Variants in NBAS observed in about 807,000 individuals in gnomAD.
NBAS encodes NAG/BC035112 fusion.
A neutral mutation model predicts 302.5 loss-of-function variants in NBAS; 219 were observed. The ratio of observed to expected loss-of-function variants is 0.72; its 90% confidence interval spans 0.65 to 0.81. The LOEUF (loss-of-function observed/expected upper bound fraction) is 0.81, where lower values mean the gene tolerates loss of function less well. Ranked by LOEUF, NBAS falls within the 30% of genes least tolerant of loss-of-function variation. NBAS has a pLI of 0.00. For missense variants in NBAS, 2,932 were observed against 2,841.6 expected (o/e 1.03, Z -0.72); for synonymous variants, 1,118 against 1,021.6 (o/e 1.09, Z -1.80).
chr2:15,509,621 G>A (rs994576581), intron 10 of NBAS, among the ~76,000 whole-genome samples: 4 of 152,096 alleles, frequency 2.6e-5, no homozygotes, highest in African/African-American at 4.8e-5. Context: ...CTTTTCAAAA[G>A]TACATCTTCA....
At chr2:15,244,085 C>T (rs1419432631) in intron 44 of NBAS, among the ~76,000 whole-genome samples, 3 of 152,156 alleles carry the variant, frequency 2.0e-5, no homozygotes, top group South Asian at 2.1e-4. Context: ...AGAGAGAGAA[C>T]GTACAGGGGT....
chr2:15,366,968 T>A (rs1674240308), intron 31 of NBAS, among the ~76,000 whole-genome samples: 1 of 152,182 alleles, frequency 6.6e-6, no homozygotes, highest in Non-Finnish European at 1.5e-5. Flanking sequence ...TGTTTCACTG[T>A]TTTATGTACC....
At chr2:14,919,620 C>T in the NBAS span, among the ~76,000 whole-genome samples, 1 of 152,190 alleles carries the variant, frequency 6.6e-6, no homozygotes, top group Non-Finnish European at 1.5e-5. Flanking sequence ...TCAAAGCCTA[C>T]CACTGCTTTA....
Position 15,354,196 on chromosome 2 carries a change from G to A in NBAS, c.3932-486C>T, listed in dbSNP as rs72776671. Among the ~76,000 whole-genome samples the A allele has an allele frequency of 4.1e-3, 618 of 152,266 alleles. 4 individuals are homozygous for A. Among genetic ancestry groups the A allele is most frequent in the South Asian group, 8.1e-3 (39 of 4,826 alleles). On this transcript the variant is annotated intron_variant, in intron 33 of 51. Coordinates refer to ENST00000281513, the MANE Select transcript of NBAS (RefSeq NM_015909.4). Reference sequence around the variant, plus strand: ...TTGTATTTAAAAGCACATGTAAACTGCAAAGTGCTAGAAAAAGAGATATTA... The same window carrying A: ...TTGTATTTAAAAGCACATGTAAACTACAAAGTGCTAGAAAAAGAGATATTA...
chr2:15,453,219 G>A (rs1447890075), intron 21 of NBAS, among the ~76,000 whole-genome samples: 1 of 152,176 alleles, frequency 6.6e-6, no homozygotes, highest in African/African-American at 2.4e-5. Context: ...CAAGGCCCAA[G>A]GAAAGCAGGA....
chr2:15,010,052 G>T, the NBAS span, among the ~76,000 whole-genome samples: 1 of 152,152 alleles, frequency 6.6e-6, no homozygotes, highest in Non-Finnish European at 1.5e-5. Context: ...GAGATGAAAA[G>T]ATGTTTTTAG....
chr2:14,800,329 T>G, the NBAS span, among the ~76,000 whole-genome samples: 2 of 152,234 alleles, frequency 1.3e-5, no homozygotes, highest in African/African-American at 4.8e-5. Context: ...TCTGATGGCT[T>G]TATAAGGTGA....
At chr2:15,304,944 T>A (rs1190933831) in intron 40 of NBAS, among the ~76,000 whole-genome samples, 1 of 152,202 alleles carries the variant, frequency 6.6e-6, no homozygotes, top group Non-Finnish European at 1.5e-5. Flanking sequence ...TAACTTGCTT[T>A]TGATTTTACA....
intron 6 of NBAS, among the ~76,000 whole-genome samples, chr2:15,546,286 T>G (rs1160945887): frequency 6.6e-6 from 1 of 152,222 alleles, no homozygotes; most frequent in Non-Finnish European, 1.5e-5. Flanking sequence ...TTCTCACTTT[T>G]AGTTTCTAAA....
the NBAS span, among the ~76,000 whole-genome samples, chr2:14,831,265 A>G: frequency 6.6e-6 from 1 of 152,170 alleles, no homozygotes; most frequent in African/African-American, 2.4e-5. Flanking sequence ...TTGAAATTAT[A>G]CAACATTTGA....
the NBAS span, among the ~76,000 whole-genome samples, chr2:14,849,010 G>A: frequency 1.5e-4 from 22 of 151,264 alleles, no homozygotes; most frequent in East Asian, 3.5e-3. Flanking sequence ...ACTCTAAAAC[G>A]CAGAGCGCCT....
At chr2:14,802,940 G>A in the NBAS span, among the ~76,000 whole-genome samples, 172 of 146,504 alleles carry the variant, frequency 1.2e-3, no homozygotes, top group Middle Eastern at 6.9e-3. Flanking sequence ...CCTAATGCTA[G>A]ATGACGAGTT....
chr2:14,986,241 C>A, the NBAS span, among the ~76,000 whole-genome samples: 7 of 150,264 alleles, frequency 4.7e-5, no homozygotes, highest in Non-Finnish European at 8.8e-5. Flanking sequence ...AAAAAAAAAA[C>A]CTGTTTTCAA....
At chr2:15,364,423 C>T (rs1674093724) in intron 32 of NBAS, among the ~76,000 whole-genome samples, 2 of 151,614 alleles carry the variant, frequency 1.3e-5, no homozygotes, top group African/African-American at 4.8e-5. Context: ...CCCAGCTACT[C>T]GGGAGGCTAA....
At chr2:15,129,773 T>A in the NBAS span, among the ~76,000 whole-genome samples, 1,962 of 152,242 alleles carry the variant, frequency 0.013, 46 homozygotes, top group African/African-American at 0.043. Flanking sequence ...TTCTCATGAG[T>A]TCTCCTCTCA....
At chr2:15,246,504 A>C (rs946496282) in intron 44 of NBAS, among the ~76,000 whole-genome samples, 1 of 152,258 alleles carries the variant, frequency 6.6e-6, no homozygotes, top group Non-Finnish European at 1.5e-5. Context: ...TTACAAGTGC[A>C]ATAAAATTAC....
Position 15,356,390 on chromosome 2 carries a change from G to C in NBAS, c.3844C>G (p.Gln1282Glu). Residue 1282 changes from glutamine to glutamate, a missense_variant, in exon 33 of 52, where the codon CAG becomes GAG. Gln to Glu is a conservative substitution (Grantham distance 29). Transcript: ENST00000281513. ...TGCTCCACTAAAAGGATTAGAACCT[G>C]TCCCCGCCTTTCTTCTGGGTTCTCA... ...AGENPEERRG[Q>E]VLILLVEQAL... is the part of the protein sequence containing the mutation. The C allele has an allele frequency of 1.2e-6, 2 of 1,613,826 alleles. No individual in the cohort carries two copies. The highest frequency in any genetic ancestry group is 1.7e-6 in the Non-Finnish European group (2 of 1,179,784).
At chr2:15,355,423 C>T (rs1038822330) in intron 33 of NBAS, among the ~76,000 whole-genome samples, 1 of 152,188 alleles carries the variant, frequency 6.6e-6, no homozygotes, top group Admixed American at 6.5e-5. Flanking sequence ...CCTGCAGAGA[C>T]TTGAATTTGA....
chr2:15,330,439 A>G (rs1672273864), intron 36 of NBAS, among the ~76,000 whole-genome samples, 159 bp downstream of exon 36: 1 of 152,256 alleles, frequency 6.6e-6, no homozygotes, highest in Non-Finnish European at 1.5e-5. Context: ...ATTCTATAAA[A>G]GAGATTACTC....
Sources: gnomAD v4.1 joint callset for allele counts (sites outside exome capture counted in the v4.1 genomes callset) on GRCh38, gnomAD v4.1.1 for gene constraint, MANE v1.5 for transcripts, NCBI Gene and HGNC (gene_info 2026-07-23, HGNC 2026-07-21) for gene names.